ALOX5AP: variants seen among roughly 807,000 people sequenced by gnomAD.
ALOX5AP encodes arachidonate 5-lipoxygenase activating protein, also known as arachidonate 5-lipoxygenase-activating protein.
In ALOX5AP, 9 loss-of-function variants were observed where a neutral mutation model predicts 18.5. The observed-to-expected ratio is 0.49, with a 90% confidence interval of 0.29 to 0.85. The LOEUF (loss-of-function observed/expected upper bound fraction) is 0.85, where lower values mean the gene tolerates loss of function less well. Ranked by LOEUF, ALOX5AP falls within the 40% of genes least tolerant of loss-of-function variation. ALOX5AP has a pLI of 0.08. For missense variants in ALOX5AP, 172 were observed against 202.5 expected (o/e 0.85, Z 0.91); for synonymous variants, 81 against 78.6 (o/e 1.03, Z -0.16).
At position 30,763,925 on chromosome 13, in the gene ALOX5AP, C is replaced by G. The variant is rs367669672; in HGVS notation, c.324-19C>G. ...TCATTCGCACTGCATCTACAGTTTT[C>G]TTTTTCCTTCTCTTCCAGCACCCCT... On this transcript the variant is annotated intron_variant, in intron 4 of 4. Transcript: ENST00000380490. The G allele has an allele frequency of 3.7e-6, 6 of 1,607,980 alleles. No individual in the cohort carries two copies. The highest frequency in any genetic ancestry group is 5.1e-6 in the Non-Finnish European group (6 of 1,177,922).
chr13:30,715,332 C>T (rs186655446), intron 1 of ALOX5AP, among the ~76,000 whole-genome samples: 1 of 152,330 alleles, frequency 6.6e-6, no homozygotes, highest in Non-Finnish European at 1.5e-5. Context: ...GGCACATTTA[C>T]TGCACTTAAT....
At chr13:30,737,225 T>C (rs1484516256) in intron 1 of ALOX5AP, among the ~76,000 whole-genome samples, 1 of 152,198 alleles carries the variant, frequency 6.6e-6, no homozygotes, top group African/African-American at 2.4e-5. Flanking sequence ...TTGAGCTCAC[T>C]CTCTCCAGCT....
intron 1 of ALOX5AP, among the ~76,000 whole-genome samples, chr13:30,725,859 G>T (rs1395580710): frequency 6.6e-6 from 1 of 152,228 alleles, no homozygotes; most frequent in Admixed American, 6.5e-5. Context: ...CAGGTGGCCA[G>T]ATTAGAACAG....
At chr13:30,724,226 C>T (rs757208389) in intron 1 of ALOX5AP, among the ~76,000 whole-genome samples, 1 of 152,164 alleles carries the variant, frequency 6.6e-6, no homozygotes, top group Non-Finnish European at 1.5e-5. Flanking sequence ...TTCTTCTGCT[C>T]AGTGTAATGT....
At chr13:30,753,464 G>GCTACA (rs1951868291) in intron 3 of ALOX5AP, among the ~76,000 whole-genome samples, 1 of 152,204 alleles carries the variant, frequency 6.6e-6, no homozygotes, top group Non-Finnish European at 1.5e-5. Context: ...GAGTTTGAAG[G>GCTACA]TGTTTCGTAG....
At chr13:30,729,884 T>C (rs1171484853) in intron 1 of ALOX5AP, among the ~76,000 whole-genome samples, 1 of 152,244 alleles carries the variant, frequency 6.6e-6, no homozygotes, top group Non-Finnish European at 1.5e-5. Flanking sequence ...CCTTAACCTT[T>C]GTTTTCTTAC....
At chr13:30,742,869 C>CG in intron 1 of ALOX5AP, among the ~76,000 whole-genome samples, 1 of 121,300 alleles carries the variant, frequency 8.2e-6, no homozygotes, top group South Asian at 3.1e-4. Context: ...GCCCCCCCCC[C>CG]ACCCCCCATC....
In ALOX5AP at chr13:30,727,443, T is replaced by C. The variant is rs537183923; in HGVS notation, c.117-8108T>C. On this transcript the variant is annotated intron_variant, in intron 1 of 5. Coordinates refer to the ALOX5AP transcript ENST00000617770. ...CCCTGGTAGATGTGTATTGTGTCAGTGGGCCTACGCTGGAGCCATGTTTCC... is the reference window on the plus strand; with the variant it reads ...CCCTGGTAGATGTGTATTGTGTCAGCGGGCCTACGCTGGAGCCATGTTTCC... 8.9e-4 allele frequency among the ~76,000 whole-genome samples: 136 copies of C among 152,322 alleles called. 1 individual carries two copies. The South Asian group carries it at 0.017, about 20-fold the overall frequency.
intron 1 of ALOX5AP, among the ~76,000 whole-genome samples, chr13:30,723,136 T>C (rs1359212060): frequency 6.6e-6 from 1 of 152,234 alleles, no homozygotes; most frequent in African/African-American, 2.4e-5. Flanking sequence ...TACTTGGAAC[T>C]CTTCTCACCA....
intron 1 of ALOX5AP, among the ~76,000 whole-genome samples, chr13:30,715,985 G>C (rs772525348): frequency 6.6e-6 from 1 of 152,170 alleles, no homozygotes; most frequent in African/African-American, 2.4e-5. Context: ...CATTGAGCCC[G>C]GGCTCCCCTC....
intron 1 of ALOX5AP, among the ~76,000 whole-genome samples, chr13:30,718,026 C>T (rs1424173973): frequency 6.6e-6 from 1 of 151,264 alleles, no homozygotes; most frequent in Non-Finnish European, 1.5e-5. Context: ...ATGGCACAAT[C>T]TCAGCTCACT....
chr13:30,762,201 TG>T, intron 4 of ALOX5AP, among the ~76,000 whole-genome samples: 1 of 152,130 alleles, frequency 6.6e-6, no homozygotes, highest in Non-Finnish European at 1.5e-5. Flanking sequence ...GTTTCCAGTG[TG>T]GGGGCTGATG....
intron 1 of ALOX5AP, among the ~76,000 whole-genome samples, chr13:30,724,026 C>T (rs766752508): frequency 1.3e-5 from 2 of 152,168 alleles, no homozygotes; most frequent in Middle Eastern, 3.2e-3. Flanking sequence ...ATGTAACCAT[C>T]ACCAAAAATA....
intron 4 of ALOX5AP, among the ~76,000 whole-genome samples, chr13:30,758,061 A>T (rs1951910795): frequency 6.6e-6 from 1 of 152,024 alleles, no homozygotes; most frequent in Non-Finnish European, 1.5e-5. Flanking sequence ...TCTTCCAGAG[A>T]CCAAACCTGG....
chr13:30,763,877 T>C, intron 4 of ALOX5AP, 67 bp from the exon 5 acceptor site: 1 of 1,474,368 alleles, frequency 6.8e-7, no homozygotes, highest in Non-Finnish European at 9.3e-7. Flanking sequence ...AGGGGTAACA[T>C]TTTTGTGTGT....
chr13:30,753,941 T>A (rs1951871720), intron 3 of ALOX5AP, among the ~76,000 whole-genome samples: 1 of 152,150 alleles, frequency 6.6e-6, no homozygotes, highest in Admixed American at 6.5e-5. Flanking sequence ...GCTTTGTGAT[T>A]TTTAGAGAAT....
At chr13:30,756,162 G>A (rs2137827885) in intron 4 of ALOX5AP, 137 bp downstream of exon 4, 1 of 726,854 alleles carries the variant, frequency 1.4e-6, no homozygotes, top group South Asian at 1.7e-5. Context: ...AGGCTGACTA[G>A]GACCTCTGAT....
chr13:30,715,774 C>A (rs1054689664), intron 1 of ALOX5AP, among the ~76,000 whole-genome samples: 4 of 151,514 alleles, frequency 2.6e-5, no homozygotes, highest in Admixed American at 2.6e-4. Flanking sequence ...TCCCCTTGGG[C>A]TTCTGGTTTT....
intron 1 of ALOX5AP, among the ~76,000 whole-genome samples, chr13:30,730,181 G>A (rs868238985): frequency 2.6e-5 from 4 of 152,366 alleles, no homozygotes; most frequent in Middle Eastern, 6.8e-3. Context: ...AATAGCATAT[G>A]AGGTTACAGC....
Sources: allele counts gnomAD v4.1 joint callset (sites outside exome capture counted in the v4.1 genomes callset), GRCh38; gene constraint gnomAD v4.1.1; transcripts MANE v1.5; gene names NCBI Gene and HGNC (gene_info 2026-07-23, HGNC 2026-07-21).